Variants in PTPRD observed in about 807,000 individuals in gnomAD.
PTPRD encodes receptor-type tyrosine-protein phosphatase delta.
PTPRD carries 34 observed loss-of-function variants against 214.5 expected under a neutral mutation model. The ratio of observed to expected loss-of-function variants is 0.16; its 90% CI spans 0.12 to 0.21. PTPRD has a LOEUF of 0.21. Ranked by LOEUF, PTPRD falls within the 10% of genes least tolerant of loss-of-function variation. The pLI is 1.00. For synonymous variants in PTPRD, 1,128 were observed against 845.7 expected (o/e 1.33, Z -5.79); for missense variants, 2,545 against 2,398.7 (o/e 1.06, Z -1.27).
At chr9:10,417,030 G>A (rs2098497841) in intron 2 of PTPRD, among the ~76,000 whole-genome samples, 1 of 151,888 alleles carries the variant, frequency 6.6e-6, no homozygotes, top group South Asian at 2.1e-4. Context: ...AGTAGAGGGT[G>A]TTGATGAAGA....
intron 14 of PTPRD, among the ~76,000 whole-genome samples, chr9:8,559,432 C>G (rs1028171884): frequency 6.6e-6 from 1 of 152,152 alleles, no homozygotes; most frequent in Non-Finnish European, 1.5e-5. Flanking sequence ...TCAAATTTTA[C>G]TTAATGCAAT....
intron 5 of PTPRD, among the ~76,000 whole-genome samples, chr9:9,900,641 G>GA (rs1555302231): frequency 0.013 from 1,535 of 120,124 alleles, 56 homozygotes; most frequent in African/African-American, 0.045. Flanking sequence ...ACATTTTCAG[G>GA]TTTTTTTTTT....
At chr9:8,885,482 C>A (rs1274445333) in intron 11 of PTPRD, among the ~76,000 whole-genome samples, 1 of 146,568 alleles carries the variant, frequency 6.8e-6, no homozygotes, top group Non-Finnish European at 1.5e-5. Flanking sequence ...TTATACCACA[C>A]AGCCTCTTTT....
intron 3 of PTPRD, among the ~76,000 whole-genome samples, chr9:10,289,962 C>T (rs768239000): frequency 3.9e-5 from 6 of 152,078 alleles, no homozygotes; most frequent in Non-Finnish European, 7.4e-5. Context: ...TTCATATATT[C>T]ATTTGTTTCA....
intron 4 of PTPRD, among the ~76,000 whole-genome samples, chr9:9,977,922 C>A (rs550729883): frequency 4.1e-4 from 45 of 109,160 alleles, no homozygotes; most frequent in Non-Finnish European, 7.3e-4. Flanking sequence ...ATTTAACATA[C>A]CTTTCCAGAA....
chr9:9,778,300 G>T (rs1212623974), intron 5 of PTPRD, among the ~76,000 whole-genome samples: 1 of 152,154 alleles, frequency 6.6e-6, no homozygotes, highest in African/African-American at 2.4e-5. Context: ...CACTCTCTCT[G>T]TGGACCTCTA....
chr9:9,674,578 T>C (rs2096893790), intron 7 of PTPRD, among the ~76,000 whole-genome samples: 2 of 151,588 alleles, frequency 1.3e-5, no homozygotes, highest in African/African-American at 4.8e-5. Flanking sequence ...TCATATACTA[T>C]AAGAAAAGAG....
intron 14 of PTPRD, among the ~76,000 whole-genome samples, chr9:8,562,604 T>C (rs772233004): frequency 1.4e-4 from 22 of 151,984 alleles, no homozygotes; most frequent in Non-Finnish European, 2.1e-4. Flanking sequence ...GCCTGGCTAA[T>C]TTTTACATTT....
chr9:9,018,569 T>C (rs1488399874), intron 11 of PTPRD, 128 bp downstream of exon 11: 2 of 152,190 alleles, frequency 1.3e-5, no homozygotes, highest in Non-Finnish European at 2.9e-5. Flanking sequence ...CTTTTATTCC[T>C]TATACTCCAT....
chr9:9,420,712 G>A (rs1332207), intron 8 of PTPRD, among the ~76,000 whole-genome samples: 122,682 of 151,314 alleles, frequency 0.81, 49,842 homozygotes, highest in Non-Finnish European at 0.82. Flanking sequence ...ATATGACGAC[G>A]TACAACATAA....
chr9:8,860,921 A>G (rs1216601765), intron 11 of PTPRD: 1 of 152,196 alleles, frequency 6.6e-6, no homozygotes, highest in African/African-American at 2.4e-5. Flanking sequence ...GGATCAAAGA[A>G]GCCAGTTTTC....
At chr9:9,802,950 T>A (rs2099051022) in intron 5 of PTPRD, among the ~76,000 whole-genome samples, 1 of 151,942 alleles carries the variant, frequency 6.6e-6, no homozygotes, top group South Asian at 2.1e-4. Flanking sequence ...TTATATTAAT[T>A]TTAAGCATGG....
intron 2 of PTPRD, among the ~76,000 whole-genome samples, chr9:10,503,215 A>C (rs909990027): frequency 8.7e-5 from 13 of 148,800 alleles, no homozygotes; most frequent in African/African-American, 3.2e-4. Context: ...AAACAAAAAA[A>C]AACACCATTT....
At chr9:8,497,153 G>T (rs1412962969) in intron 26 of PTPRD, 89 bp downstream of exon 26, 3 of 1,162,714 alleles carry the variant, frequency 2.6e-6, no homozygotes, top group Admixed American at 5.2e-5. Flanking sequence ...CAAGCAAACT[G>T]TGATGACAGA....
chr9:9,233,281 C>T (rs1331594387), intron 9 of PTPRD, among the ~76,000 whole-genome samples: 4 of 152,096 alleles, frequency 2.6e-5, no homozygotes, highest in African/African-American at 7.2e-5. Flanking sequence ...TCTTACCAAA[C>T]CATCAGATTT....
chr9:9,637,296 A>G (rs2095802729), intron 7 of PTPRD, among the ~76,000 whole-genome samples: 2 of 152,336 alleles, frequency 1.3e-5, no homozygotes, highest in African/African-American at 2.4e-5. Context: ...TCATTTAAAT[A>G]TCAAATATGG....
At chr9:10,482,165 A>G (rs911837215) in intron 2 of PTPRD, among the ~76,000 whole-genome samples, 1 of 152,048 alleles carries the variant, frequency 6.6e-6, no homozygotes, top group Non-Finnish European at 1.5e-5. Flanking sequence ...AGGTCAGGAG[A>G]TTGAGACCAG....
chr9:10,212,208 T>G (rs892966797), intron 3 of PTPRD, among the ~76,000 whole-genome samples: 1 of 152,006 alleles, frequency 6.6e-6, no homozygotes, highest in African/African-American at 2.4e-5. Flanking sequence ...GTAGCCTTCT[T>G]AGATGAATAT....
chr9:8,695,107 T>C (rs2097883193), intron 12 of PTPRD, among the ~76,000 whole-genome samples: 1 of 152,140 alleles, frequency 6.6e-6, no homozygotes, highest in Non-Finnish European at 1.5e-5. Context: ...TGCTGGTTTG[T>C]CTCCTTAGAC....
Sources: allele counts gnomAD v4.1 joint callset (sites outside exome capture counted in the v4.1 genomes callset), GRCh38; gene constraint gnomAD v4.1.1; transcripts MANE v1.5; gene names NCBI Gene and HGNC (gene_info 2026-07-23, HGNC 2026-07-21).